SPC25: variants seen among roughly 807,000 people sequenced by gnomAD.
SPC25 encodes the protein SPC25 component of NDC80 kinetochore complex.
Under a neutral mutation model 29.6 loss-of-function variants are expected in SPC25, and 22 were observed. That is an observed-to-expected ratio of 0.74 (90% CI 0.53 to 1.06). The LOEUF (loss-of-function observed/expected upper bound fraction) is 1.06, where lower values mean the gene tolerates loss of function less well. Among genes scored for constraint, SPC25 ranks in the 50% least tolerant of loss-of-function variants. SPC25 has a pLI of 0.00. For synonymous variants in SPC25, 91 were observed against 90.4 expected, an observed-to-expected ratio of 1.01 and a Z score of -0.04; for missense variants, 230 against 255.8, an observed-to-expected ratio of 0.90 and a Z score of 0.69.
chr2:168,871,287 TGGC>T lies in SPC25; in HGVS notation c.*141_*143del. The T allele has an allele frequency of 1.5e-6, 1 of 685,712 alleles. No individual in the cohort carries two copies. Among genetic ancestry groups the T allele is most frequent in the Non-Finnish European group, 2.3e-6 (1 of 439,632 alleles). The allele number at this position is 685,712 out of a possible 1,614,324, so 42.5% of individuals were successfully genotyped here. ...AGTTAATGGGTGCAGCACACCAATA[TGGC>T]ACATGTATACATATGTAACAAACCT... On this transcript the variant is annotated 3_prime_UTR_variant, in exon 7 of 7. Coordinates refer to ENST00000282074, the MANE Select transcript of SPC25 (RefSeq NM_020675.4).
At chr2:168,866,232 G>A (rs1371003093), downstream of SPC25, among the ~76,000 whole-genome samples, 1 of 152,310 alleles carries the variant, frequency 6.6e-6, no homozygotes, top group African/African-American at 2.4e-5. Flanking sequence ...ATCCTACAAG[G>A]CTACAGTAAC....
intron 3 of SPC25, among the ~76,000 whole-genome samples, chr2:168,877,961 A>AAG (rs1690117212): frequency 6.6e-6 from 1 of 151,502 alleles, no homozygotes; most frequent in Non-Finnish European, 1.5e-5. Flanking sequence ...AGCCTCTCAA[A>AAG]GTGCTGGGAT....
chr2:168,872,826 C>T (rs866224944), intron 6 of SPC25, among the ~76,000 whole-genome samples: 32 of 152,026 alleles, frequency 2.1e-4, no homozygotes, highest in Non-Finnish European at 3.8e-4. Context: ...AATATAAATT[C>T]CCCAGAAATA....
At chr2:168,864,705 T>C in intron 4 of SPC25, 5 of 1,041,050 alleles carry the variant, frequency 4.8e-6, no homozygotes, top group Non-Finnish European at 7.0e-6. Context: ...TGGCTTCATC[T>C]GAATCAAGTG....
At chr2:168,862,006 T>C in intron 4 of SPC25, 1 of 1,614,216 alleles carries the variant, frequency 6.2e-7, no homozygotes, top group Non-Finnish European at 8.5e-7. Context: ...AGGCCTTGTA[T>C]TCTTTTCAAG....
downstream of SPC25, among the ~76,000 whole-genome samples, chr2:168,869,485 A>T (rs939181990): frequency 3.3e-5 from 5 of 152,242 alleles, no homozygotes; most frequent in African/African-American, 4.8e-5. Context: ...AATCTCCTTA[A>T]GCTGATAAGC....
chr2:168,885,420 G>A (rs1690244968), intron 3 of SPC25, among the ~76,000 whole-genome samples: 1 of 152,108 alleles, frequency 6.6e-6, no homozygotes, highest in Non-Finnish European at 1.5e-5. Context: ...CTCCCCTCCT[G>A]TTTATTGTGC....
chr2:168,871,995 A>G (rs1690002251), intron 6 of SPC25, among the ~76,000 whole-genome samples: 1 of 134,914 alleles, frequency 7.4e-6, no homozygotes, highest in African/African-American at 2.8e-5. Flanking sequence ...TTTTTTTTTG[A>G]GACAGATTCT....
chr2:168,886,799 G>A (rs576634637), intron 3 of SPC25, among the ~76,000 whole-genome samples: 220 of 152,226 alleles, frequency 1.4e-3, no homozygotes, highest in Admixed American at 2.4e-3. Context: ...GATTACAGGC[G>A]TGAACCACCC....
At chr2:168,880,819 C>A (rs1690166236) in intron 3 of SPC25, among the ~76,000 whole-genome samples, 1 of 152,194 alleles carries the variant, frequency 6.6e-6, no homozygotes, top group African/African-American at 2.4e-5. Context: ...GGCTGGTCAG[C>A]AGAGCAGTCA....
rs551919597 is a variant in SPC25 at position 168,876,025 on chromosome 2, A to G, written c.451+47T>C. On this transcript the variant is annotated intron_variant, in intron 5 of 6. Transcript: ENST00000282074. The stretch of plus-strand genomic sequence containing the variant: ...AAAATTTTCCTCTACTTAAGAAAAG[A>G]CATACTTTTGTAATCTCCTATATTT... 1,601 of 1,077,360 alleles carry G rather than the reference A, an allele frequency of 1.5e-3. 3 individuals carry two copies. The highest frequency in any genetic ancestry group is 1.9e-3 in the Non-Finnish European group (1,488 of 796,652). 66.7% of individuals were successfully genotyped at this position (1,077,360 alleles called of 1,614,324 possible).
intron 3 of SPC25, among the ~76,000 whole-genome samples, chr2:168,883,538 G>T (rs1690210584): frequency 6.6e-6 from 1 of 152,176 alleles, no homozygotes; most frequent in Non-Finnish European, 1.5e-5. Context: ...CTTACCCAAA[G>T]ATCTCGGTCA....
At chr2:168,879,003 C>A (rs2105828472) in intron 3 of SPC25, among the ~76,000 whole-genome samples, 1 of 152,292 alleles carries the variant, frequency 6.6e-6, no homozygotes, top group South Asian at 2.1e-4. Flanking sequence ...GGCTAAAAAA[C>A]AAATGTACAT....
chr2:168,879,330 A>G (rs1027185478), intron 3 of SPC25, among the ~76,000 whole-genome samples: 1 of 152,236 alleles, frequency 6.6e-6, no homozygotes, highest in Non-Finnish European at 1.5e-5. Flanking sequence ...TTTATCAACT[A>G]AGTTTATATA....
rs1422671523 is a variant in SPC25 at position 168,888,963 on chromosome 2, A to G, written c.199+263T>C. 9.4e-4 allele frequency among the ~76,000 whole-genome samples: 78 copies of G among 82,802 alleles called. 4 individuals are homozygous for G. The East Asian group carries it at 0.022, about 23-fold the overall frequency. 54.3% of individuals were successfully genotyped at this position (82,802 alleles called of 152,430 possible). A position where few individuals can be genotyped will look rare whatever the true frequency, so the allele number is the denominator to read the frequency against. ...TGTGTGTGTGTGTGTGTGTGTATATATATATATATACACACACACATATAT... is the reference window on the plus strand; with the variant it reads ...TGTGTGTGTGTGTGTGTGTGTATATGTATATATATACACACACACATATAT... On this transcript the variant is annotated intron_variant, in intron 3 of 6. Transcript: ENST00000282074.
At chr2:168,864,948 G>A (rs751718907) in intron 4 of SPC25, 1 of 1,614,038 alleles carries the variant, frequency 6.2e-7, no homozygotes, top group Non-Finnish European at 8.5e-7. Context: ...TCAAATGCTG[G>A]CAACACAGCT....
chr2:168,867,258 A>T (rs1689880887), downstream of SPC25, among the ~76,000 whole-genome samples: 1 of 152,164 alleles, frequency 6.6e-6, no homozygotes, highest in Non-Finnish European at 1.5e-5. Flanking sequence ...AGATTAAGAA[A>T]ATGTGGCATA....
downstream of SPC25, among the ~76,000 whole-genome samples, chr2:168,867,362 C>A (rs1219877745): frequency 3.3e-5 from 5 of 152,146 alleles, no homozygotes; most frequent in Non-Finnish European, 7.4e-5. Flanking sequence ...ATCATAATGA[C>A]AGGACCAAAT....
chr2:168,874,355 G>T (rs1690049073), intron 5 of SPC25, among the ~76,000 whole-genome samples: 1 of 152,160 alleles, frequency 6.6e-6, no homozygotes, highest in African/African-American at 2.4e-5. Context: ...ATTACAATAT[G>T]ACCCAGCAAT....
Sources: gnomAD v4.1 joint callset for allele counts (sites outside exome capture counted in the v4.1 genomes callset) on GRCh38, gnomAD v4.1.1 for gene constraint, MANE v1.5 for transcripts, NCBI Gene and HGNC (gene_info 2026-07-23, HGNC 2026-07-21) for gene names.